The following PRDM16 variants were observed in gnomAD, a reference collection of about 807,000 sequenced individuals.
The protein encoded by PRDM16 is histone-lysine N-methyltransferase PRDM16.
PRDM16 carries 23 observed loss-of-function variants against 110.6 expected under a neutral mutation model. That is an observed-to-expected ratio of 0.21 (90% CI 0.15 to 0.29). The LOEUF (loss-of-function observed/expected upper bound fraction) is 0.29, where lower values mean the gene tolerates loss of function less well. Among genes scored for constraint, PRDM16 ranks in the 10% least tolerant of loss-of-function variants. The pLI is 1.00. For synonymous variants in PRDM16, 799 were observed against 781.8 expected (o/e 1.02, Z -0.37); for missense variants, 1,615 against 1,794.3 (o/e 0.90, Z 1.81).
chr1:3,216,898 C>T (rs1388575540), intron 2 of PRDM16, among the ~76,000 whole-genome samples: 3 of 152,236 alleles, frequency 2.0e-5, no homozygotes, highest in Non-Finnish European at 1.5e-5. Context: ...TCCTCAGCCT[C>T]CCAGGCTCCT....
chr1:3,171,524 C>T (rs1032391442), intron 1 of PRDM16, among the ~76,000 whole-genome samples: 4 of 152,222 alleles, frequency 2.6e-5, no homozygotes, highest in African/African-American at 9.6e-5. Context: ...CCCAGGGTCA[C>T]TGGCCATCCC....
At chr1:3,110,141 G>T (rs1460079741) in intron 1 of PRDM16, among the ~76,000 whole-genome samples, 1 of 146,994 alleles carries the variant, frequency 6.8e-6, no homozygotes, top group South Asian at 2.2e-4. Context: ...CAGTGTCTGC[G>T]GCTCCCCCAT....
intron 3 of PRDM16, among the ~76,000 whole-genome samples, chr1:3,334,386 G>T (rs995004884): frequency 6.6e-6 from 1 of 152,188 alleles, no homozygotes; most frequent in Non-Finnish European, 1.5e-5. Context: ...AGGCCAATGA[G>T]TATGCCCATA....
chr1:3,431,977 A>C lies in PRDM16; in HGVS notation c.3533A>C (p.Asp1178Ala). The stretch of plus-strand genomic sequence containing the variant: ...GGTCATTGGTGCAGGTGTGCTGAGG[A>C]CCACGAAGGCGGTCTGTTAGCTTTG... Reference protein sequence around the residue: ...GFDHTRRCAEDHEGGLLALEP... With the variant: ...GFDHTRRCAEAHEGGLLALEP... Residue 1178 changes from aspartate (D) to alanine (A), a missense_variant, in exon 16 of 17, where the codon GAC becomes GCC. Coordinates refer to ENST00000270722, the MANE Select transcript of PRDM16 (RefSeq NM_022114.4). 1 of 1,613,260 alleles carries C rather than the reference A, an allele frequency of 6.2e-7. No homozygotes were observed. The highest frequency in any genetic ancestry group is 8.5e-7 in the Non-Finnish European group (1 of 1,179,916).
intron 2 of PRDM16, among the ~76,000 whole-genome samples, chr1:3,195,739 G>A (rs1436132016): frequency 6.6e-6 from 1 of 152,158 alleles, no homozygotes; most frequent in East Asian, 1.9e-4. Context: ...TCTGCGTGGG[G>A]GCGTGGCCCA....
chr1:3,325,811 C>A (rs531466605), intron 3 of PRDM16, among the ~76,000 whole-genome samples: 39 of 151,818 alleles, frequency 2.6e-4, no homozygotes, highest in Non-Finnish European at 4.0e-4. Flanking sequence ...ATCCTTGGTC[C>A]TCTTTGGCCA....
Position 3,339,187 on chromosome 1 carries a change from C to T in PRDM16, c.439-45965C>T, listed in dbSNP as rs1642221423. Among the ~76,000 whole-genome samples, 1 of 152,156 alleles carries T rather than the reference C, an allele frequency of 6.6e-6. No homozygotes were observed. The highest frequency in any genetic ancestry group is 6.5e-5 in the Admixed American group (1 of 15,282). ...TCTGGAGGGCAGCTTCCTGGCCACC[C>T]TCACCTCCAGCTGCTGAAAGCCGAA... On this transcript the variant is annotated intron_variant, in intron 3 of 16. Transcript: ENST00000270722. The surrounding 1 kb of genome is among the most constrained non-coding windows in gnomAD (Gnocchi z 5.0).
chr1:3,234,646 G>A (rs1485467068), intron 2 of PRDM16, among the ~76,000 whole-genome samples: 2 of 152,234 alleles, frequency 1.3e-5, no homozygotes, highest in East Asian at 3.9e-4. Flanking sequence ...GACTGTGCCA[G>A]TCCCCACCCT....
chr1:3,271,722 G>A (rs1021988856), intron 3 of PRDM16, among the ~76,000 whole-genome samples: 6 of 152,174 alleles, frequency 3.9e-5, no homozygotes, highest in African/African-American at 1.4e-4. Flanking sequence ...CTGGTGGCAG[G>A]AAAAGCTCCT....
chr1:3,373,955 G>A (rs1162683932), intron 3 of PRDM16, among the ~76,000 whole-genome samples: 2 of 152,366 alleles, frequency 1.3e-5, no homozygotes, highest in East Asian at 1.9e-4. Flanking sequence ...AGCCAACCAC[G>A]CTGCTTCCAT....
intron 1 of PRDM16, among the ~76,000 whole-genome samples, chr1:3,088,001 C>A (rs772229264): frequency 2.4e-4 from 37 of 151,860 alleles, no homozygotes; most frequent in Admixed American, 5.2e-4. Context: ...CTTCTTCTTG[C>A]CCTCCTCATT....
rs139249730 is a variant in PRDM16, at chr1:3,211,833, G to A, written c.387+25359G>A. ...TGCACGTGTGCATGCGTGTGCGTGC[G>A]CGTGCATCCACGCCTGGCGGCCTGG... is the stretch of plus-strand genomic sequence containing the variant. On this transcript the variant is annotated intron_variant, in intron 2 of 16. Transcript: ENST00000270722. Among the ~76,000 whole-genome samples the A allele has an allele frequency of 1.7e-3, 264 of 152,354 alleles. 1 individual carries two copies. Among genetic ancestry groups the A allele is most frequent in the Middle Eastern group, 3.4e-3 (1 of 294 alleles).
intron 2 of PRDM16, among the ~76,000 whole-genome samples, chr1:3,186,785 C>T (rs1273327727): frequency 6.6e-6 from 1 of 152,218 alleles, no homozygotes; most frequent in African/African-American, 2.4e-5. Context: ...ACACTGCCAT[C>T]GCGGCAGGGC....
intron 1 of PRDM16, among the ~76,000 whole-genome samples, chr1:3,150,823 G>C (rs925558543): frequency 1.3e-5 from 2 of 150,432 alleles, no homozygotes; most frequent in South Asian, 4.3e-4. Flanking sequence ...CCATGGGAGT[G>C]GGAGGGAAAG....
chr1:3,083,536 A>G (rs539360517), intron 1 of PRDM16, among the ~76,000 whole-genome samples: 126 of 146,206 alleles, frequency 8.6e-4, no homozygotes, highest in African/African-American at 3.1e-3. Flanking sequence ...GAACCAAGGA[A>G]TGTCACCAGC....
chr1:3,247,629 T>C (rs1312892000), intron 3 of PRDM16, among the ~76,000 whole-genome samples: 1 of 152,208 alleles, frequency 6.6e-6, no homozygotes, highest in Non-Finnish European at 1.5e-5. Context: ...TCTCACACCC[T>C]GGTCTCTGCG....
Position 3,358,622 on chromosome 1 carries a change from G to A in PRDM16, c.439-26530G>A, listed in dbSNP as rs947737026. 3.9e-5 allele frequency among the ~76,000 whole-genome samples: 6 copies of A among 152,170 alleles called. No homozygotes were observed. The highest frequency in any genetic ancestry group is 1.3e-4 in the Admixed American group (2 of 15,282). On this transcript the variant is annotated intron_variant, in intron 3 of 16. Coordinates refer to ENST00000270722, the MANE Select transcript of PRDM16 (RefSeq NM_022114.4). The surrounding 1 kb of genome is among the most constrained non-coding windows in gnomAD (Gnocchi z 4.0). ...TCCTGCCCTCAGCCCTCTCCGAAGA[G>A]CTCAGAAACATCTCCGATTGGAACA...
chr1:3,244,848 C>G lies in PRDM16; in HGVS notation c.438+711C>G, dbSNP rs1456733368. Among the ~76,000 whole-genome samples, 3 of 152,174 alleles carry G rather than the reference C, an allele frequency of 2.0e-5. No individual in the cohort carries two copies. On this transcript the variant is annotated intron_variant, in intron 3 of 16. Coordinates refer to ENST00000270722, the MANE Select transcript of PRDM16 (RefSeq NM_022114.4). The surrounding 1 kb of genome is among the most constrained non-coding windows in gnomAD (Gnocchi z 4.1). ...CGAAACCTAGAACCTGTTCAGCAGC[C>G]AGAACTCCTCTTCGACGGGATATGC...
chr1:3,098,302 G>GGCTCCCT (rs1437259791), intron 1 of PRDM16, among the ~76,000 whole-genome samples: 1 of 152,196 alleles, frequency 6.6e-6, no homozygotes, highest in South Asian at 2.1e-4. Flanking sequence ...TCTTGGGGCC[G>GGCTCCCT]GCTCCCTGCT....
Sources: allele counts gnomAD v4.1 joint callset (sites outside exome capture counted in the v4.1 genomes callset), GRCh38; gene constraint gnomAD v4.1.1; non-coding constraint Gnocchi (gnomAD v3.1); transcripts MANE v1.5; gene names NCBI Gene and HGNC (gene_info 2026-07-23, HGNC 2026-07-21).